Variants in ZNF395 observed in about 807,000 individuals in gnomAD.
ZNF395 encodes the protein HD gene regulatory region-binding protein 2.
Under a neutral mutation model 57.7 loss-of-function variants are expected in ZNF395, and 20 were observed. The ratio of observed to expected loss-of-function variants is 0.35; its 90% CI spans 0.24 to 0.50. The LOEUF (loss-of-function observed/expected upper bound fraction) is 0.50, where lower values mean the gene tolerates loss of function less well. Among genes scored for constraint, ZNF395 ranks in the 20% least tolerant of loss-of-function variants. The pLI is 0.97. For synonymous variants in ZNF395, 295 were observed against 275.9 expected, an observed-to-expected ratio of 1.07 and a Z score of -0.69; for missense variants, 606 against 671.2, an observed-to-expected ratio of 0.90 and a Z score of 1.07.
At chr8:28,351,465 C>A (rs780504134) in intron 7 of ZNF395, 30 bp downstream of exon 7, 1 of 1,555,830 alleles carries the variant, frequency 6.4e-7, no homozygotes, top group East Asian at 2.3e-5. Context: ...CAGCTATGAG[C>A]CTGAGCCTCC....
chr8:28,369,738 C>A (rs924872811), intron 1 of ZNF395, among the ~76,000 whole-genome samples: 1 of 152,228 alleles, frequency 6.6e-6, no homozygotes, highest in Non-Finnish European at 1.5e-5. Context: ...CGGGTGGGGG[C>A]AGACCCACCT....
chr8:28,386,343 C>T (rs1242118121), intron 1 of ZNF395, 50 bp downstream of exon 1: 1 of 145,146 alleles, frequency 6.9e-6, no homozygotes, highest in African/African-American at 2.5e-5. Context: ...CCCGCGCCTC[C>T]GCGCCCCCGC....
chr8:28,352,530 C>A lies in ZNF395; in HGVS notation c.920+43G>T. The A allele has an allele frequency of 6.4e-7, 1 of 1,570,752 alleles. No individual in the cohort carries two copies. The highest frequency in any genetic ancestry group is 8.8e-7 in the Non-Finnish European group (1 of 1,142,698). On this transcript the variant is annotated intron_variant, in intron 6 of 9. Transcript: ENST00000344423. This position sits in a 1 kb window ranked among gnomAD's most constrained non-coding sequence, Gnocchi z 4.0. ...AGGGACTCGGCAGGGTGGAGGGACA[C>A]CCACACGCGACCCTAGGCTAGAGGC...
chr8:28,383,508 A>G (rs1489281367), intron 1 of ZNF395, among the ~76,000 whole-genome samples: 3 of 152,162 alleles, frequency 2.0e-5, no homozygotes, highest in Admixed American at 2.0e-4. Flanking sequence ...AGCAAATCCC[A>G]TTCTACACCG....
chr8:28,349,058 C>T (rs1403164617), intron 9 of ZNF395, 67 bp downstream of exon 9: 35 of 1,457,980 alleles, frequency 2.4e-5, no homozygotes, highest in Middle Eastern at 1.8e-4. Context: ...TGGGTGGGGT[C>T]GGAGTCCACG....
rs1357886191 is a variant in ZNF395 at position 28,354,354 on chromosome 8, T to G, written c.584-946A>C. On this transcript the variant is annotated intron_variant, in intron 4 of 9. Transcript: ENST00000344423. ...AATCTGAAATTCTGATATGTGGAAA[T>G]ACCAAGAGAGAGGGAAAAAAGCTAC... is the stretch of plus-strand genomic sequence containing the variant. Among the ~76,000 whole-genome samples the G allele has an allele frequency of 2.0e-5, 3 of 152,224 alleles. No individual in the cohort carries two copies. The East Asian group carries it at 5.8e-4, about 29-fold the overall frequency.
At position 28,352,264 on chromosome 8, in the gene ZNF395, A is replaced by G. The variant is rs913499757; in HGVS notation, c.920+309T>C. On this transcript the variant is annotated intron_variant, in intron 6 of 9. Coordinates refer to ENST00000344423, the MANE Select transcript of ZNF395 (RefSeq NM_018660.3). The surrounding 1 kb of genome is among the most constrained non-coding windows in gnomAD (Gnocchi z 4.0). ...GTGGGTGGTGCAGTGCTTGGCCACT[A>G]AACATCTTGGAAACGGGGTCTCACC... 6.6e-6 allele frequency among the ~76,000 whole-genome samples: 1 copy of G among 152,180 alleles called. No individual in the cohort carries two copies. The highest frequency in any genetic ancestry group is 1.5e-5 in the Non-Finnish European group (1 of 68,012).
intron 1 of ZNF395, among the ~76,000 whole-genome samples, chr8:28,367,655 C>T (rs1304325084): frequency 1.3e-5 from 2 of 152,208 alleles, no homozygotes; most frequent in Non-Finnish European, 2.9e-5. Flanking sequence ...TTGTTCACGA[C>T]TCTCTGGAGT....
At chr8:28,365,063 T>TAATAGGATGGAAGTGGGAGAAATACAA (rs1801894841) in intron 1 of ZNF395, among the ~76,000 whole-genome samples, 1 of 152,196 alleles carries the variant, frequency 6.6e-6, no homozygotes, top group Non-Finnish European at 1.5e-5. Flanking sequence ...TACTGGGGAT[T>TAATAGGATGGAAGTGGGAGAAATACAA]AATAGGATGG....
intron 1 of ZNF395, among the ~76,000 whole-genome samples, chr8:28,380,856 C>G (rs142315622): frequency 6.6e-6 from 1 of 152,310 alleles, no homozygotes; most frequent in African/African-American, 2.4e-5. Context: ...AAGCAGTATA[C>G]TTTTTCTTTG....
At chr8:28,373,006 T>G (rs1305284703) in intron 1 of ZNF395, among the ~76,000 whole-genome samples, 2 of 152,052 alleles carry the variant, frequency 1.3e-5, no homozygotes, top group African/African-American at 4.8e-5. Context: ...CCCACTAACA[T>G]CAGCTGGAGA....
intron 1 of ZNF395, among the ~76,000 whole-genome samples, chr8:28,363,885 C>G (rs778374474): frequency 9.2e-5 from 14 of 152,094 alleles, no homozygotes; most frequent in Non-Finnish European, 1.9e-4. Context: ...CTGCCGGATT[C>G]GCATGGAGCT....
At chr8:28,368,320 G>T (rs1048594502) in intron 1 of ZNF395, 11 of 152,140 alleles carry the variant, frequency 7.2e-5, no homozygotes, top group African/African-American at 2.4e-4. Context: ...TGGCACTCAG[G>T]TTTATACTCT....
chr8:28,361,080 C>T lies in ZNF395; in HGVS notation c.45G>A (p.Leu15=), dbSNP rs145415628. The T allele has an allele frequency of 1.2e-6, 2 of 1,612,600 alleles. No individual in the cohort carries two copies. The highest frequency in any genetic ancestry group is 1.7e-6 in the Non-Finnish European group (2 of 1,179,894). The change falls in exon 2 of 10, where the codon CTG becomes CTA. Residue 15 remains leucine (L), a synonymous_variant. Coordinates refer to ENST00000344423, the MANE Select transcript of ZNF395 (RefSeq NM_018660.3). ...LSRRLGKRSL[L]GARVLGPSAS... ...CACTGGGTCCCAACACCCGGGCTCC[C>T]AGGAGGGACCGCTTTCCAAGGCGTC...
Position 28,351,904 on chromosome 8 carries a change from C to G in ZNF395, c.921-97G>C, listed in dbSNP as rs1450618673. ...GGAGGGAAGTGATTGCTTGAGGCCACCCAGCAAGCCAGGGACGGAGCCCAA... is the reference window on the plus strand; with the variant it reads ...GGAGGGAAGTGATTGCTTGAGGCCAGCCAGCAAGCCAGGGACGGAGCCCAA... On this transcript the variant is annotated intron_variant, in intron 6 of 9. Transcript: ENST00000344423. The G allele has an allele frequency of 2.8e-6, 4 of 1,405,946 alleles. No individual in the cohort carries two copies. In the African/African-American group the frequency reaches 5.7e-5, roughly 20 times the overall value. The allele number at this position is 1,405,946 out of a possible 1,614,324, so 87.1% of individuals were successfully genotyped here.
intron 1 of ZNF395, among the ~76,000 whole-genome samples, chr8:28,363,098 C>T (rs1172229962): frequency 1.3e-5 from 2 of 150,784 alleles, no homozygotes; most frequent in Non-Finnish European, 3.0e-5. Context: ...AAATGTATAC[C>T]TAAGCTAAAT....
chr8:28,383,582 T>G (rs936875315), intron 1 of ZNF395, among the ~76,000 whole-genome samples: 2 of 152,124 alleles, frequency 1.3e-5, no homozygotes, highest in Non-Finnish European at 2.9e-5. Context: ...CAGGGCCCAA[T>G]TGCCCACAGT....
At position 28,347,248 on chromosome 8, in the gene ZNF395, GGGTA is replaced by G. The variant is rs1801615300; in HGVS notation, c.*1467_*1470del. On this transcript the variant is annotated 3_prime_UTR_variant, in exon 10 of 10. Transcript: ENST00000344423. Reference sequence around the variant, plus strand: ...ACACTCCATCCCAGGACAGGTGGCTGGGTAGGATTCCCTGAGCCCCTGACAGCTG... The same window carrying G: ...ACACTCCATCCCAGGACAGGTGGCTGGGATTCCCTGAGCCCCTGACAGCTG... The G allele has an allele frequency of 6.6e-6, 1 of 152,222 alleles. No individual in the cohort carries two copies. Among genetic ancestry groups the G allele is most frequent in the South Asian group, 2.1e-4 (1 of 4,828 alleles). The allele number at this position is 152,222 out of a possible 1,614,324, so 9.4% of individuals were successfully genotyped here. A position where few individuals can be genotyped will look rare whatever the true frequency, so the allele number is the denominator to read the frequency against.
Position 28,356,902 on chromosome 8 carries a change from C to A in ZNF395, c.474-123G>T. On this transcript the variant is annotated intron_variant, in intron 3 of 9. Transcript: ENST00000344423. This position sits in a 1 kb window ranked among gnomAD's most constrained non-coding sequence, Gnocchi z 4.0. ...TCATCTTACACTTCTGGACTGTCCC[C>A]TCCAAGTGCCCCCAACTCCAATCAG... is the stretch of plus-strand genomic sequence containing the variant. The A allele has an allele frequency of 1.4e-6, 1 of 717,176 alleles. No homozygotes were observed. The allele number at this position is 717,176 out of a possible 1,614,324, so 44.4% of individuals were successfully genotyped here.
Sources: gnomAD v4.1 joint callset for allele counts (sites outside exome capture counted in the v4.1 genomes callset) on GRCh38, gnomAD v4.1.1 for gene constraint, Gnocchi (gnomAD v3.1) non-coding constraint, MANE v1.5 for transcripts, NCBI Gene and HGNC (gene_info 2026-07-23, HGNC 2026-07-21) for gene names.